The following ZFHX4 variants were observed in gnomAD, a reference collection of about 807,000 sequenced individuals.
ZFHX4 encodes zinc finger homeobox 4.
ZFHX4 carries 56 observed loss-of-function variants against 267.6 expected under a neutral mutation model. The observed-to-expected ratio is 0.21, with a 90% CI of 0.17 to 0.26. ZFHX4 has a LOEUF of 0.26. ZFHX4 is among the 10% of genes least tolerant of loss of function. ZFHX4 has a pLI of 1.00. For synonymous variants in ZFHX4, 1,778 were observed against 1,665.6 expected (o/e 1.07, Z -1.64); for missense variants, 4,332 against 4,420.0 (o/e 0.98, Z 0.56).
intron 4 of ZFHX4, among the ~76,000 whole-genome samples, chr8:76,781,279 C>T (rs1470894171): frequency 6.6e-6 from 1 of 152,038 alleles, no homozygotes; most frequent in Non-Finnish European, 1.5e-5. Flanking sequence ...TGAATTTGCA[C>T]ATTATTAATT....
chr8:76,783,677 T>C (rs1810613217), intron 4 of ZFHX4, among the ~76,000 whole-genome samples: 2 of 152,042 alleles, frequency 1.3e-5, no homozygotes, highest in African/African-American at 4.8e-5. Flanking sequence ...ATAGCCATCA[T>C]TGGAAAGCAA....
At chr8:76,849,239 T>C (rs1812445418) in intron 7 of ZFHX4, 111 bp downstream of exon 7, 5 of 1,236,880 alleles carry the variant, frequency 4.0e-6, no homozygotes, top group Non-Finnish European at 5.5e-6. Context: ...GACATTGCAA[T>C]TGGCAATGTA....
intron 1 of ZFHX4, among the ~76,000 whole-genome samples, chr8:76,681,888 A>G (rs1014675395): frequency 2.0e-5 from 3 of 151,426 alleles, no homozygotes; most frequent in Admixed American, 1.3e-4. Flanking sequence ...TGAGGGAGGG[A>G]GGGGGCACTG....
At chr8:76,815,864 G>T (rs1205378933) in intron 4 of ZFHX4, among the ~76,000 whole-genome samples, 1 of 152,068 alleles carries the variant, frequency 6.6e-6, no homozygotes, top group Non-Finnish European at 1.5e-5. Context: ...TTACCTTGGG[G>T]GCTAGGATTT....
chr8:76,749,853 A>G (rs774837595), intron 3 of ZFHX4, among the ~76,000 whole-genome samples: 12 of 152,154 alleles, frequency 7.9e-5, no homozygotes, highest in Non-Finnish European at 1.3e-4. Context: ...GTATTTTAAG[A>G]TCTTTTGATA....
intron 1 of ZFHX4, among the ~76,000 whole-genome samples, chr8:76,686,750 C>T (rs1238596615): frequency 1.1e-4 from 16 of 152,256 alleles, no homozygotes; most frequent in Admixed American, 1.0e-3. Context: ...TGAGAAGATA[C>T]TCGTTATGAG....
At chr8:76,718,753 C>T (rs1257628673) in intron 3 of ZFHX4, among the ~76,000 whole-genome samples, 1 of 151,984 alleles carries the variant, frequency 6.6e-6, no homozygotes, top group Non-Finnish European at 1.5e-5. Context: ...CCTGATTATC[C>T]TATTGCTCAG....
At chr8:76,806,868 A>G (rs1403837076) in intron 4 of ZFHX4, among the ~76,000 whole-genome samples, 4 of 152,060 alleles carry the variant, frequency 2.6e-5, no homozygotes, top group Non-Finnish European at 5.9e-5. Flanking sequence ...GAAGTGTTAA[A>G]TTAAAGTGAA....
chr8:76,796,291 A>G (rs1361779253), intron 4 of ZFHX4, among the ~76,000 whole-genome samples: 2 of 152,194 alleles, frequency 1.3e-5, no homozygotes, highest in Non-Finnish European at 2.9e-5. Context: ...AAATTGTATT[A>G]TTTTAGAATA....
chr8:76,689,756 C>A (rs1447073847), intron 1 of ZFHX4, among the ~76,000 whole-genome samples: 1 of 152,004 alleles, frequency 6.6e-6, no homozygotes, highest in Admixed American at 6.6e-5. Context: ...GTCTCCCTTT[C>A]TTTTAAAGGT....
At chr8:76,697,709 ATGTAAG>A (rs1807994821) in intron 1 of ZFHX4, among the ~76,000 whole-genome samples, 1 of 152,066 alleles carries the variant, frequency 6.6e-6, no homozygotes. Context: ...ATGCCTGTAA[ATGTAAG>A]TGTAATTTAC....
chr8:76,697,335 T>C (rs541086372), intron 1 of ZFHX4, among the ~76,000 whole-genome samples: 89 of 152,110 alleles, frequency 5.9e-4, no homozygotes, highest in Admixed American at 1.8e-3. Flanking sequence ...GTTCGGTATA[T>C]CTATTTTTGA....
chr8:76,711,081 A>G (rs1266111229), intron 3 of ZFHX4, among the ~76,000 whole-genome samples: 1 of 152,152 alleles, frequency 6.6e-6, no homozygotes, highest in Non-Finnish European at 1.5e-5. Flanking sequence ...AAGAACCCAG[A>G]GGCAGAATGT....
rs1813026541 is a variant in ZFHX4, at chr8:76,866,308, A to G, written c.*1743A>G. On this transcript the variant is annotated 3_prime_UTR_variant, in exon 11 of 11. Transcript: ENST00000651372. The stretch of plus-strand genomic sequence containing the variant: ...ATGTAATGCAACTGTTTGACAGTTT[A>G]ACTCAAGTCATGCTTCAAACTGTTT... The G allele has an allele frequency of 6.6e-6, 1 of 152,632 alleles. No individual in the cohort carries two copies. The highest frequency in any genetic ancestry group is 6.6e-5 in the Admixed American group (1 of 15,260). 9.5% of individuals were successfully genotyped at this position (152,632 alleles called of 1,614,324 possible). A position where few individuals can be genotyped will look rare whatever the true frequency, so the allele number is the denominator to read the frequency against.
At position 76,681,299 on chromosome 8, in the gene ZFHX4, A is replaced by T; in HGVS notation, c.-368A>T. 2.5e-6 allele frequency: 1 copy of T among 398,720 alleles called. No homozygotes were observed. Among genetic ancestry groups the T allele is most frequent in the East Asian group, 3.6e-5 (1 of 28,052 alleles). 24.7% of individuals were successfully genotyped at this position (398,720 alleles called of 1,614,324 possible). A position where few individuals can be genotyped will look rare whatever the true frequency, so the allele number is the denominator to read the frequency against. ...TCAGCCATTTTTTTAAACAGGGCTA[A>T]AACGATAATAATTAGCAGAATAAAG... On this transcript the variant is annotated 5_prime_UTR_variant, in exon 1 of 11. Transcript: ENST00000651372.
At chr8:76,808,109 C>T (rs2131839442) in intron 4 of ZFHX4, among the ~76,000 whole-genome samples, 1 of 152,152 alleles carries the variant, frequency 6.6e-6, no homozygotes, top group African/African-American at 2.4e-5. Context: ...ATTCCATAAA[C>T]TGTTATTTTT....
intron 4 of ZFHX4, among the ~76,000 whole-genome samples, chr8:76,786,408 T>C (rs1312861433): frequency 6.6e-6 from 1 of 150,970 alleles, no homozygotes; most frequent in Admixed American, 6.7e-5. Flanking sequence ...TGATCATAAA[T>C]TTCACTTTTT....
chr8:76,730,405 TA>T (rs1756655457), intron 3 of ZFHX4, among the ~76,000 whole-genome samples: 1 of 152,162 alleles, frequency 6.6e-6, no homozygotes, highest in Non-Finnish European at 1.5e-5. Flanking sequence ...AGTGTACTTT[TA>T]AAACTATTTT....
chr8:76,819,831 G>A (rs1811602399), intron 4 of ZFHX4, among the ~76,000 whole-genome samples: 2 of 152,258 alleles, frequency 1.3e-5, no homozygotes, highest in Middle Eastern at 3.4e-3. Context: ...AATAGTGTAT[G>A]CAAAAAGCAG....
Sources: gnomAD v4.1 joint callset for allele counts (sites outside exome capture counted in the v4.1 genomes callset) on GRCh38, gnomAD v4.1.1 for gene constraint, MANE v1.5 for transcripts, NCBI Gene and HGNC (gene_info 2026-07-23, HGNC 2026-07-21) for gene names.